SMCO1: variants seen among roughly 807,000 people sequenced by gnomAD.
The protein encoded by SMCO1 is single-pass membrane and coiled-coil domain-containing protein 1.
A neutral mutation model predicts 7.5 loss-of-function variants in SMCO1; 9 were observed. The observed-to-expected ratio is 1.20, with a 90% confidence interval of 0.72 to 2.09. The LOEUF is 2.09. SMCO1 is among the 30% of genes most tolerant of loss of function. The pLI is 0.00. For synonymous variants in SMCO1, 90 were observed against 93.8 expected (o/e 0.96, Z 0.23); for missense variants, 219 against 253.1 (o/e 0.87, Z 0.91).
intron 1 of SMCO1, among the ~76,000 whole-genome samples, chr3:196,510,576 A>G (rs1161849121): frequency 6.6e-6 from 1 of 152,090 alleles, no homozygotes; most frequent in Non-Finnish European, 1.5e-5. Context: ...AAGCTTACAT[A>G]TGGCTTATAC....
At chr3:196,516,003 AT>A (rs1733376715), upstream of SMCO1, among the ~76,000 whole-genome samples, 2 of 86,772 alleles carry the variant, frequency 2.3e-5, no homozygotes, top group African/African-American at 2.3e-4. Context: ...ATATATATAT[AT>A]ATATATATAT....
At position 196,507,741 on chromosome 3, in the gene SMCO1, G is replaced by GT. The variant is rs1465192970; in HGVS notation, c.*145dup. On this transcript the variant is annotated 3_prime_UTR_variant, in exon 3 of 3. Transcript: ENST00000397537. ...ATTCTTTTATATGGCTGCAAAGAAA[G>GT]TATCTATTGTATCAATTTGTCATAA... is the stretch of plus-strand genomic sequence containing the variant. 2 of 602,558 alleles carry GT rather than the reference G, an allele frequency of 3.3e-6. No homozygotes were observed. The highest frequency in any genetic ancestry group is 5.9e-6 in the Non-Finnish European group (2 of 340,436). 37.3% of individuals were successfully genotyped at this position (602,558 alleles called of 1,614,324 possible).
Position 196,515,169 on chromosome 3 carries a change from G to T in SMCO1, c.41C>A (p.Ala14Glu). Residue 14 changes from alanine (A) to glutamate (E), a missense_variant, in exon 1 of 3, where the codon GCA (alanine) becomes GAA (glutamate). Coordinates refer to ENST00000397537, the MANE Select transcript of SMCO1 (RefSeq NM_001077657.3). ...TATAGCCCTCAGCAACCTTTTCATTGCCTCCTTCAAGGATATCAGGGTTGT... is the reference window on the plus strand; with the variant it reads ...TATAGCCCTCAGCAACCTTTTCATTTCCTCCTTCAAGGATATCAGGGTTGT... ...ETTTLISLKE[A>E]MKRVDHKLQA... 6.2e-7 allele frequency: 1 copy of T among 1,613,854 alleles called. No individual in the cohort carries two copies. The highest frequency in any genetic ancestry group is 8.5e-7 in the Non-Finnish European group (1 of 1,179,846).
upstream of SMCO1, among the ~76,000 whole-genome samples, chr3:196,518,633 A>G (rs1036351665): frequency 2.7e-5 from 4 of 150,542 alleles, no homozygotes; most frequent in African/African-American, 9.7e-5. Context: ...GTTTCCCTAG[A>G]CAACGTAGCC....
Position 196,508,168 on chromosome 3 carries a change from A to C in SMCO1, c.364T>G (p.Trp122Gly). Reference sequence around the variant, plus strand: ...CCACACTCCTCCAGTATGGACTCCCATACAACTCTAACGCGCTTGTTCTTA... The same window carrying C: ...CCACACTCCTCCAGTATGGACTCCCCTACAACTCTAACGCGCTTGTTCTTA... The part of the protein sequence containing the change: ...KVKNKRVRVV[W>G]ESILEECGLQ... Residue 122 changes from tryptophan to glycine, a missense_variant, in exon 3 of 3, where the codon TGG becomes GGG. Physicochemically the swap from Trp to Gly is radical, Grantham distance 184. Coordinates refer to ENST00000397537, the MANE Select transcript of SMCO1 (RefSeq NM_001077657.3). 1 of 1,614,166 alleles carries C rather than the reference A, an allele frequency of 6.2e-7. No homozygotes were observed. The highest frequency in any genetic ancestry group is 1.1e-5 in the South Asian group (1 of 91,076).
intron 1 of SMCO1, among the ~76,000 whole-genome samples, chr3:196,511,469 TG>T: frequency 1.3e-5 from 1 of 79,462 alleles, no homozygotes; most frequent in African/African-American, 8.7e-5. Context: ...ATTCTCATTA[TG>T]AGGGAAACCT....
chr3:196,516,027 ATAT>A (rs1357420335), upstream of SMCO1, among the ~76,000 whole-genome samples: 987 of 118,546 alleles, frequency 8.3e-3, 8 homozygotes, highest in Non-Finnish European at 0.012. Context: ...ATATATATAT[ATAT>A]AATTATATAT....
At chr3:196,518,530 G>A (rs112479444), upstream of SMCO1, among the ~76,000 whole-genome samples, 1,564 of 152,202 alleles carry the variant, frequency 0.01, 24 homozygotes, top group African/African-American at 0.034. Context: ...GGCCAGGCTG[G>A]TCTCTAACTC....
upstream of SMCO1, among the ~76,000 whole-genome samples, chr3:196,516,093 A>ATAT (rs1179634875): frequency 4.2e-5 from 6 of 142,960 alleles, no homozygotes; most frequent in African/African-American, 1.5e-4. Context: ...TATATAAAAT[A>ATAT]TATATATAAT....
upstream of SMCO1, among the ~76,000 whole-genome samples, chr3:196,518,887 G>C (rs1428635814): frequency 6.6e-6 from 1 of 152,152 alleles, no homozygotes; most frequent in Admixed American, 6.5e-5. Flanking sequence ...AATACCCATG[G>C]GTCACTGGGC....
rs1307498551 is a variant in SMCO1 at position 196,508,266 on chromosome 3, G to A, written c.266C>T (p.Thr89Ile). The A allele has an allele frequency of 3.7e-6, 6 of 1,613,972 alleles. No homozygotes were observed. The highest frequency in any genetic ancestry group is 1.7e-5 in the Admixed American group (1 of 59,994). The change falls in exon 3 of 3, where the codon ACT (threonine) becomes ATT (isoleucine). Residue 89 changes from threonine to isoleucine, a missense_variant. Thr to Ile is a moderately conservative substitution (Grantham distance 89). Coordinates refer to ENST00000397537, the MANE Select transcript of SMCO1 (RefSeq NM_001077657.3). The stretch of plus-strand genomic sequence containing the variant: ...GTCTGGCAGCTTCTCAAGCACACGA[G>A]TATGCAAGCAGATAAGTACTTCAAT... ...YVIEVLICLH[T>I]RVLEKLPDLV...
chr3:196,515,003 G>T, intron 1 of SMCO1, 157 bp downstream of exon 1: 1 of 840,946 alleles, frequency 1.2e-6, no homozygotes, highest in South Asian at 1.5e-5. Flanking sequence ...GCCTCCCAGT[G>T]TGCTGGGATT....
upstream of SMCO1, among the ~76,000 whole-genome samples, chr3:196,516,010 T>TATAA (rs1733377802): frequency 1.1e-5 from 1 of 93,602 alleles, no homozygotes; most frequent in Non-Finnish European, 1.7e-5. Context: ...TATATATATA[T>TATAA]ATATATATAT....
chr3:196,510,783 A>G (rs1325064705), intron 1 of SMCO1, among the ~76,000 whole-genome samples: 1 of 152,104 alleles, frequency 6.6e-6, no homozygotes, highest in Admixed American at 6.6e-5. Flanking sequence ...GAACTAAACT[A>G]CGTTCTTGGA....
chr3:196,519,099 C>T (rs1228483570), upstream of SMCO1, among the ~76,000 whole-genome samples: 3 of 152,190 alleles, frequency 2.0e-5, no homozygotes, highest in Non-Finnish European at 4.4e-5. Flanking sequence ...TGCAAAATTT[C>T]CCTTCTTTTT....
At chr3:196,515,390 C>A, upstream of SMCO1, 3 of 582,434 alleles carry the variant, frequency 5.2e-6, no homozygotes, top group Non-Finnish European at 9.2e-6. Context: ...CCTGCAGATC[C>A]AAATATAGTT....
chr3:196,513,005 A>G (rs1733290863), intron 1 of SMCO1, among the ~76,000 whole-genome samples: 1 of 152,134 alleles, frequency 6.6e-6, no homozygotes, highest in African/African-American at 2.4e-5. Context: ...GTGACCTGAT[A>G]TGCCTGTAAT....
intron 1 of SMCO1, among the ~76,000 whole-genome samples, chr3:196,510,590 A>G (rs1417885356): frequency 6.6e-6 from 1 of 151,878 alleles, no homozygotes; most frequent in African/African-American, 2.4e-5. Context: ...CTTATACCCT[A>G]TTTTCTACCC....
At chr3:196,515,477 C>A, upstream of SMCO1, 1 of 446,658 alleles carries the variant, frequency 2.2e-6, no homozygotes, top group East Asian at 4.1e-5. Flanking sequence ...AACCATAGTA[C>A]ATTAACATAC....
Sources: allele counts gnomAD v4.1 joint callset (sites outside exome capture counted in the v4.1 genomes callset), GRCh38; gene constraint gnomAD v4.1.1; transcripts MANE v1.5; gene names NCBI Gene and HGNC (gene_info 2026-07-23, HGNC 2026-07-21).